TSPAN5: variants seen among roughly 807,000 people sequenced by gnomAD.
TSPAN5 encodes the protein tetraspanin 5.
A neutral mutation model predicts 37.1 loss-of-function variants in TSPAN5; 10 were observed. That is an observed-to-expected ratio of 0.27 (90% CI 0.17 to 0.46). The LOEUF is 0.46. Among genes scored for constraint, TSPAN5 ranks in the 20% least tolerant of loss-of-function variants. The pLI is 1.00. For missense variants in TSPAN5, 195 were observed against 326.6 expected (o/e 0.60, Z 3.11); for synonymous variants, 110 against 118.9 (o/e 0.93, Z 0.48).
intron 1 of TSPAN5, among the ~76,000 whole-genome samples, chr4:98,648,694 T>G (rs762267999): frequency 6.6e-6 from 1 of 152,222 alleles, no homozygotes; most frequent in Non-Finnish European, 1.5e-5. Flanking sequence ...GAACACTAGC[T>G]TCATGTGCTG....
chr4:98,520,795 A>T (rs1375744018), intron 1 of TSPAN5, among the ~76,000 whole-genome samples: 1 of 152,246 alleles, frequency 6.6e-6, no homozygotes, highest in Non-Finnish European at 1.5e-5. Flanking sequence ...ATAACGCTGC[A>T]GTTATGGCTG....
intron 1 of TSPAN5, among the ~76,000 whole-genome samples, chr4:98,603,742 G>A (rs1755939270): frequency 1.3e-5 from 2 of 152,158 alleles, no homozygotes. Flanking sequence ...CTTGCTGTGG[G>A]TTACAGATGC....
At chr4:98,566,071 G>C (rs1053094949) in intron 1 of TSPAN5, among the ~76,000 whole-genome samples, 29 of 152,160 alleles carry the variant, frequency 1.9e-4, no homozygotes, top group Non-Finnish European at 1.2e-4. Flanking sequence ...GAGAGGAAAG[G>C]GGAGGGGAGG....
intron 1 of TSPAN5, among the ~76,000 whole-genome samples, chr4:98,632,844 G>C (rs1190598541): frequency 6.6e-6 from 1 of 152,162 alleles, no homozygotes; most frequent in Non-Finnish European, 1.5e-5. Context: ...CTGCAGGTGG[G>C]CCCTGAAGGA....
intron 1 of TSPAN5, among the ~76,000 whole-genome samples, chr4:98,631,343 C>T (rs930115512): frequency 1.3e-5 from 2 of 152,178 alleles, no homozygotes; most frequent in African/African-American, 4.8e-5. Flanking sequence ...CACCACCAGA[C>T]TCTCATCAAG....
intron 1 of TSPAN5, among the ~76,000 whole-genome samples, chr4:98,609,131 A>G (rs903858677): frequency 6.6e-6 from 1 of 151,704 alleles, no homozygotes; most frequent in Non-Finnish European, 1.5e-5. Flanking sequence ...AAATGAAAAG[A>G]AAAAAAACCC....
At chr4:98,538,039 T>A (rs1754276598) in intron 1 of TSPAN5, among the ~76,000 whole-genome samples, 1 of 152,248 alleles carries the variant, frequency 6.6e-6, no homozygotes, top group African/African-American at 2.4e-5. Context: ...CTTTGGCACC[T>A]GAGGTGCTGG....
intron 3 of TSPAN5, chr4:98,482,826 C>A (rs2110260213): frequency 6.6e-6 from 1 of 152,234 alleles, no homozygotes; most frequent in Middle Eastern, 3.4e-3. Flanking sequence ...GGAATGCTAG[C>A]TGTGCTTGCC....
intron 1 of TSPAN5, among the ~76,000 whole-genome samples, chr4:98,629,277 C>T (rs894180123): frequency 3.9e-5 from 6 of 152,172 alleles, no homozygotes; most frequent in Non-Finnish European, 8.8e-5. Context: ...GAGCACACAA[C>T]CAAGATTGCA....
At chr4:98,629,039 G>A (rs982585774) in intron 1 of TSPAN5, among the ~76,000 whole-genome samples, 1 of 152,020 alleles carries the variant, frequency 6.6e-6, no homozygotes, top group East Asian at 1.9e-4. Context: ...TTTTAAATGA[G>A]TTCAAAACTA....
At chr4:98,616,563 C>A (rs1756342936) in intron 1 of TSPAN5, among the ~76,000 whole-genome samples, 1 of 152,180 alleles carries the variant, frequency 6.6e-6, no homozygotes, top group African/African-American at 2.4e-5. Context: ...CAAAGCACAG[C>A]CTCCACTCTC....
intron 2 of TSPAN5, among the ~76,000 whole-genome samples, chr4:98,505,871 T>C (rs192045175): frequency 6.6e-6 from 1 of 152,240 alleles, no homozygotes; most frequent in Admixed American, 6.5e-5. Context: ...CAGGTTAACT[T>C]CGGATCTCAA....
chr4:98,567,823 G>A (rs1755040465), intron 1 of TSPAN5, among the ~76,000 whole-genome samples: 1 of 152,122 alleles, frequency 6.6e-6, no homozygotes, highest in Non-Finnish European at 1.5e-5. Context: ...CGGGGGGCCT[G>A]GTCAGGCGAG....
At chr4:98,494,767 G>C (rs1481044737) in intron 2 of TSPAN5, among the ~76,000 whole-genome samples, 2 of 152,044 alleles carry the variant, frequency 1.3e-5, no homozygotes, top group African/African-American at 4.8e-5. Context: ...TTTTGCTCTG[G>C]GTACTTGCCC....
chr4:98,538,804 T>G (rs942670838), intron 1 of TSPAN5, among the ~76,000 whole-genome samples: 1 of 152,248 alleles, frequency 6.6e-6, no homozygotes, highest in Non-Finnish European at 1.5e-5. Flanking sequence ...ATACTGATTT[T>G]CACTGATAAA....
chr4:98,560,619 T>C (rs552538976), intron 1 of TSPAN5, among the ~76,000 whole-genome samples: 1 of 152,340 alleles, frequency 6.6e-6, no homozygotes, highest in African/African-American at 2.4e-5. Context: ...CTTCAGGATG[T>C]GGATAATCCT....
intron 1 of TSPAN5, among the ~76,000 whole-genome samples, chr4:98,509,374 G>T (rs1008874674): frequency 6.6e-6 from 1 of 152,170 alleles, no homozygotes. Flanking sequence ...AAATCCAAAC[G>T]GGACTTGGAC....
At chr4:98,503,549 G>A (rs1319862396) in intron 2 of TSPAN5, among the ~76,000 whole-genome samples, 1 of 152,156 alleles carries the variant, frequency 6.6e-6, no homozygotes, top group Non-Finnish European at 1.5e-5. Context: ...GAAAACTAGT[G>A]GGACATGATT....
intron 1 of TSPAN5, among the ~76,000 whole-genome samples, chr4:98,610,099 C>A (rs1321785703): frequency 4.6e-5 from 7 of 152,238 alleles, no homozygotes; most frequent in Admixed American, 4.6e-4. Context: ...CAGAATACCA[C>A]AGACTGGGTA....
Sources: allele counts gnomAD v4.1 joint callset (sites outside exome capture counted in the v4.1 genomes callset), GRCh38; gene constraint gnomAD v4.1.1; transcripts MANE v1.5; gene names NCBI Gene and HGNC (gene_info 2026-07-23, HGNC 2026-07-21).